The following HCK variants were observed in gnomAD, a reference collection of about 807,000 sequenced individuals.
The protein encoded by HCK is HCK proto-oncogene, Src family tyrosine kinase.
HCK carries 40 observed loss-of-function variants against 70.4 expected under a neutral mutation model. That is an observed-to-expected ratio of 0.57 (90% CI 0.44 to 0.74). The LOEUF (loss-of-function observed/expected upper bound fraction) is 0.74. HCK is among the 30% of genes least tolerant of loss of function. HCK has a pLI of 0.00. For synonymous variants in HCK, 245 were observed against 263.2 expected (o/e 0.93, Z 0.67); for missense variants, 568 against 697.2 (o/e 0.81, Z 2.09).
chr20:32,086,081 T>G (rs1600733388), intron 8 of HCK, among the ~76,000 whole-genome samples: 1 of 152,076 alleles, frequency 6.6e-6, no homozygotes, highest in Admixed American at 6.6e-5. Flanking sequence ...GTGCAGTGGC[T>G]CAATCTTGGC....
At position 32,074,487 on chromosome 20, in the gene HCK, A is replaced by G. The variant is rs531456882; in HGVS notation, c.330-136A>G. The G allele has an allele frequency of 3.6e-5, 24 of 675,948 alleles. No individual in the cohort carries two copies. The South Asian group carries it at 4.1e-4, about 11-fold the overall frequency. The allele number at this position is 675,948 out of a possible 1,614,324, so 41.9% of individuals were successfully genotyped here. On this transcript the variant is annotated intron_variant, in intron 4 of 12. Transcript: ENST00000375852. ...TAATCATGGCCACATGCTGGGGCTG[A>G]CATAGTCACAGCCCTGTCCTTCACC...
At chr20:32,087,424 C>CCA (rs1043213009) in intron 9 of HCK, among the ~76,000 whole-genome samples, 1 of 151,970 alleles carries the variant, frequency 6.6e-6, no homozygotes, top group African/African-American at 2.4e-5. Flanking sequence ...GTGGCTGGGA[C>CCA]CACAGGCCCA....
At chr20:32,071,901 C>A in intron 2 of HCK, 119 bp downstream of exon 2, 2 of 1,263,858 alleles carry the variant, frequency 1.6e-6, no homozygotes, top group Non-Finnish European at 2.2e-6. Context: ...AGGGAGCTGA[C>A]TGGCCACCAA....
intron 11 of HCK, among the ~76,000 whole-genome samples, chr20:32,094,795 A>AAGAAAGAGAG (rs1388833820): frequency 1.3e-4 from 3 of 22,990 alleles, no homozygotes; most frequent in East Asian, 1.4e-3. Context: ...AAGAGAAAGA[A>AAGAAAGAGAG]AGAAAGAAAG....
At chr20:32,067,687 C>T (rs965912883) in intron 1 of HCK, among the ~76,000 whole-genome samples, 4 of 152,054 alleles carry the variant, frequency 2.6e-5, no homozygotes, top group African/African-American at 7.3e-5. Context: ...CACTGAGGAA[C>T]GCAGGTGTGA....
chr20:32,101,458 T>A lies in HCK; in HGVS notation c.1520T>A (p.Ile507Asn). Residue 507 changes from isoleucine (I) to asparagine (N), a missense_variant, in exon 13 of 13, where the codon ATC (isoleucine) becomes AAC (asparagine). Ile to Asn is a moderately radical substitution (Grantham distance 149). Transcript: ENST00000375852. ...GAGGAGCGGCCGACCTTCGAATACA[T>A]CCAGAGTGTGCTGGATGACTTCTAC... The A allele has an allele frequency of 1.9e-6, 3 of 1,613,858 alleles. No homozygotes were observed. The highest frequency in any genetic ancestry group is 1.1e-5 in the South Asian group (1 of 91,032).
chr20:32,099,200 C>A, intron 12 of HCK, 65 bp downstream of exon 12: 1 of 1,528,598 alleles, frequency 6.5e-7, no homozygotes, highest in Non-Finnish European at 9.0e-7. Flanking sequence ...CTCATCTCAA[C>A]AACATGTCCA....
At chr20:32,078,156 TC>T (rs2045654779) in intron 5 of HCK, among the ~76,000 whole-genome samples, 1 of 151,212 alleles carries the variant, frequency 6.6e-6, no homozygotes. Flanking sequence ...TGCCTCAGCC[TC>T]CCGAGTAGCT....
rs146372860 is a variant in HCK at position 32,074,645 on chromosome 20, C to T, written c.352C>T (p.Arg118Ter). 3.7e-6 allele frequency: 6 copies of T among 1,613,704 alleles called. No homozygotes were observed. The highest frequency in any genetic ancestry group is 5.1e-6 in the Non-Finnish European group (6 of 1,179,646). ...CAGATCCGGGGAGTGGTGGAAGGCT[C>T]GATCCCTGGCCACCCGGAAGGAGGG... The change falls in exon 5 of 13, where the codon CGA becomes TGA. Residue 118 changes from arginine to a stop codon, truncating the protein, a stop_gained. Coordinates refer to ENST00000375852, the MANE Select transcript of HCK (RefSeq NM_002110.5). LOFTEE classifies it high-confidence loss of function.
intron 3 of HCK, 79 bp from the exon 4 acceptor site, chr20:32,073,637 C>A (rs1334529477): frequency 1.1e-6 from 1 of 933,706 alleles, no homozygotes; most frequent in South Asian, 1.4e-5. Flanking sequence ...CGGAGCTGTT[C>A]CAGGTGCCGG....
rs1455151604 is a variant in HCK at position 32,073,727 on chromosome 20, G to T, written c.238G>T (p.Asp80Tyr). Residue 80 changes from aspartate to tyrosine, a missense_variant, in exon 4 of 13, where the codon GAC becomes TAC. Asp to Tyr is a radical substitution (Grantham distance 160). This residue lies in a region of HCK where 318 missense variants were observed against 336.0 expected (regional missense o/e 0.95). Coordinates refer to ENST00000375852, the MANE Select transcript of HCK (RefSeq NM_002110.5). ...GTCTCCCTTCCCAGCAGGCTCTGAGGACATCATCGTGGTTGCCCTGTATGA... is the reference window on the plus strand; with the variant it reads ...GTCTCCCTTCCCAGCAGGCTCTGAGTACATCATCGTGGTTGCCCTGTATGA... 1 of 1,557,170 alleles carries T rather than the reference G, an allele frequency of 6.4e-7. No homozygotes were observed. Among genetic ancestry groups the T allele is most frequent in the Admixed American group, 1.9e-5 (1 of 51,986 alleles).
At chr20:32,069,802 A>T (rs1322629634) in intron 1 of HCK, 1 of 1,242,670 alleles carries the variant, frequency 8.0e-7, no homozygotes, top group Non-Finnish European at 1.0e-6. Context: ...AAAGTAACTC[A>T]TCTAAGCCTA....
intron 1 of HCK, among the ~76,000 whole-genome samples, chr20:32,070,566 G>C (rs985588424): frequency 6.6e-6 from 1 of 152,150 alleles, no homozygotes; most frequent in Non-Finnish European, 1.5e-5. Context: ...CGCAGGTTCT[G>C]TATCCCTTTC....
chr20:32,073,824 TC>T lies in HCK; in HGVS notation c.329+10del, dbSNP rs1568979597. The T allele has an allele frequency of 1.3e-6, 2 of 1,507,746 alleles. No individual in the cohort carries two copies. The highest frequency in any genetic ancestry group is 1.8e-6 in the Non-Finnish European group (2 of 1,106,714). 93.4% of individuals were successfully genotyped at this position (1,507,746 alleles called of 1,614,324 possible). Reference sequence around the variant, plus strand: ...CAGATGGTGGTCCTAGAGGAGTGAGTCCCCATCCCACTCCCCCTAAGACAGA... The same window carrying T: ...CAGATGGTGGTCCTAGAGGAGTGAGTCCCATCCCACTCCCCCTAAGACAGA... On this transcript the variant is annotated splice_region_variant and intron_variant, in intron 4 of 12. Coordinates refer to ENST00000375852, the MANE Select transcript of HCK (RefSeq NM_002110.5).
At chr20:32,066,599 C>T (rs2045463323) in intron 1 of HCK, among the ~76,000 whole-genome samples, 1 of 152,106 alleles carries the variant, frequency 6.6e-6, no homozygotes, top group Non-Finnish European at 1.5e-5. Context: ...AGGCATGAGC[C>T]ACTGCACCCA....
intron 1 of HCK, among the ~76,000 whole-genome samples, chr20:32,071,152 GC>G (rs1275900076): frequency 1.3e-5 from 2 of 152,142 alleles, no homozygotes; most frequent in South Asian, 4.1e-4. Flanking sequence ...TGTAGTGTTT[GC>G]TCTGAGCCTG....
At chr20:32,096,414 T>C (rs2045955802) in intron 11 of HCK, among the ~76,000 whole-genome samples, 1 of 151,152 alleles carries the variant, frequency 6.6e-6, no homozygotes, top group Non-Finnish European at 1.5e-5. Context: ...GGAGAATCAT[T>C]TGAACCCGGG....
At chr20:32,094,059 G>T (rs1423911032) in intron 11 of HCK, 43 bp downstream of exon 11, 1 of 1,583,410 alleles carries the variant, frequency 6.3e-7, no homozygotes, top group African/African-American at 1.4e-5. Context: ...CCATTTGGAT[G>T]CTTGTGAGTG....
At chr20:32,092,041 C>A (rs1464055525) in intron 10 of HCK, among the ~76,000 whole-genome samples, 1 of 151,972 alleles carries the variant, frequency 6.6e-6, no homozygotes, top group Non-Finnish European at 1.5e-5. Flanking sequence ...TTCTAACTGC[C>A]TCGGGTGCCC....
Sources: gnomAD v4.1 joint callset for allele counts (sites outside exome capture counted in the v4.1 genomes callset) on GRCh38, gnomAD v4.1.1 for gene constraint, gnomAD v4.1.1 regional missense constraint, MANE v1.5 for transcripts, NCBI Gene and HGNC (gene_info 2026-07-23, HGNC 2026-07-21) for gene names.